Variants in PCDHGB6 observed in about 807,000 individuals in gnomAD.
PCDHGB6 encodes the protein protocadherin gamma-B6.
PCDHGB6 carries 51 observed loss-of-function variants against 59.1 expected under a neutral mutation model. That is an observed-to-expected ratio of 0.86 (90% confidence interval 0.69 to 1.09). The LOEUF (loss-of-function observed/expected upper bound fraction) is 1.09, where lower values mean the gene tolerates loss of function less well. Among genes scored for constraint, PCDHGB6 ranks in the 50% least tolerant of loss-of-function variants. The pLI is 0.00. For synonymous variants in PCDHGB6, 466 were observed against 495.1 expected (o/e 0.94, Z 0.78); for missense variants, 1,148 against 1,205.1 (o/e 0.95, Z 0.70).
intron 1 of PCDHGB6, chr5:141,430,838 G>A (rs866767896): frequency 2.6e-6 from 4 of 1,562,908 alleles, no homozygotes; most frequent in Non-Finnish European, 3.5e-6. Context: ...GTGGGAGACC[G>A]GATGCACCCA....
intron 1 of PCDHGB6, chr5:141,413,293 C>G: frequency 6.2e-7 from 1 of 1,613,946 alleles, no homozygotes; most frequent in South Asian, 1.1e-5. Context: ...CTACTCAATT[C>G]CTGAGGAATT....
At chr5:141,463,168 T>C (rs74924211) in intron 1 of PCDHGB6, among the ~76,000 whole-genome samples, 6,974 of 152,254 alleles carry the variant, frequency 0.046, 178 homozygotes, top group Middle Eastern at 0.082. Context: ...GTGCACTCTA[T>C]GTATGCTCAG....
In PCDHGB6 at chr5:141,476,299, C is replaced by G; in HGVS notation, c.2419-18508C>G. On this transcript the variant is annotated intron_variant, in intron 1 of 3. Transcript: ENST00000520790. This position sits in a 1 kb window ranked among gnomAD's most constrained non-coding sequence, Gnocchi z 7.6. The stretch of plus-strand genomic sequence containing the variant: ...ACCTTGGTTTGGATCTCGGTAGCCT[C>G]TCAGCCCGCAGGTTCCGGGTGGTGT... The G allele has an allele frequency of 6.2e-7, 1 of 1,614,100 alleles. No individual in the cohort carries two copies. The highest frequency in any genetic ancestry group is 8.5e-7 in the Non-Finnish European group (1 of 1,180,014).
chr5:141,481,868 C>A (rs983373194), intron 1 of PCDHGB6, among the ~76,000 whole-genome samples: 4 of 147,412 alleles, frequency 2.7e-5, no homozygotes, highest in African/African-American at 1.0e-4. Flanking sequence ...GAGCCGAGAT[C>A]GCGCCACTGC....
intron 1 of PCDHGB6, among the ~76,000 whole-genome samples, chr5:141,433,837 C>CAAAAAAAA (rs56191208): frequency 1.9e-4 from 21 of 111,692 alleles, no homozygotes; most frequent in Admixed American, 5.9e-4. Context: ...AACTCTATCT[C>CAAAAAAAA]AAAAAAAAAA....
chr5:141,507,632 G>A (rs551849213), intron 3 of PCDHGB6, among the ~76,000 whole-genome samples: 6 of 152,360 alleles, frequency 3.9e-5, no homozygotes, highest in Non-Finnish European at 7.3e-5. Flanking sequence ...GTGGCCTTGC[G>A]CCCTGAGGCC....
chr5:141,415,766 TTTTTTTACTTTC>T, intron 1 of PCDHGB6: 1 of 1,295,032 alleles, frequency 7.7e-7, no homozygotes, highest in Admixed American at 3.5e-5. Flanking sequence ...TTTTTTTTTT[TTTTTTTACTTTC>T]TGGTAAAATT....
intron 1 of PCDHGB6, chr5:141,419,828 AC>A (rs1189387492): frequency 6.2e-7 from 1 of 1,614,022 alleles, no homozygotes; most frequent in Non-Finnish European, 8.5e-7. Flanking sequence ...CCTTTCAGCC[AC>A]TGCCACGCTG....
Position 141,408,279 on chromosome 5 carries a change from A to G in PCDHGB6, c.77A>G (p.Tyr26Cys), listed in dbSNP as rs1313502495. The change falls in exon 1 of 4, where the codon TAC becomes TGC. Residue 26 changes from tyrosine (Y) to cysteine (C), a missense_variant. Tyr to Cys is a radical substitution (Grantham distance 194, BLOSUM62 -2). Around this residue, in one of 5 missense-constraint regions of PCDHGB6, gnomAD observed 307 missense variants for 323.8 expected, o/e 0.95. Coordinates refer to ENST00000520790, the MANE Select transcript of PCDHGB6 (RefSeq NM_018926.3). ...TTTCCTTTGCTGCTGCCTTTGTTCT[A>G]CCCCACCCTGAGTGAGCCGATCCGC... ...VLFPLLLPLF[Y>C]PTLSEPIRYS... 6.2e-7 allele frequency: 1 copy of G among 1,612,184 alleles called. No individual in the cohort carries two copies. The highest frequency in any genetic ancestry group is 1.7e-5 in the Admixed American group (1 of 59,622).
chr5:141,491,802 G>C lies in PCDHGB6; in HGVS notation c.2419-3005G>C, dbSNP rs759587995. 1 of 1,497,480 alleles carries C rather than the reference G, an allele frequency of 6.7e-7. No homozygotes were observed. The highest frequency in any genetic ancestry group is 1.3e-5 in the South Asian group (1 of 74,938). The allele number at this position is 1,497,480 out of a possible 1,614,324, so 92.8% of individuals were successfully genotyped here. A position where few individuals can be genotyped will look rare whatever the true frequency, so the allele number is the denominator to read the frequency against. On this transcript the variant is annotated intron_variant, in intron 1 of 3. Coordinates refer to ENST00000520790, the MANE Select transcript of PCDHGB6 (RefSeq NM_018926.3). The surrounding 1 kb of genome is among the most constrained non-coding windows in gnomAD (Gnocchi z 6.9). ...ACTTGCATCCACTCCTCTCCGGCCG[G>C]CTTGGTCGCTGGCTGCGCTCCACCC...
At chr5:141,441,537 C>A in intron 1 of PCDHGB6, 1 of 173,250 alleles carries the variant, frequency 5.8e-6, no homozygotes, top group Non-Finnish European at 1.2e-5. Context: ...ACAATCTTCC[C>A]AAAGCCTCCA....
In PCDHGB6 at chr5:141,486,184, A is replaced by G. The variant is rs2099625756; in HGVS notation, c.2419-8623A>G. 8 of 1,614,014 alleles carry G rather than the reference A, an allele frequency of 5.0e-6. No homozygotes were observed. Among genetic ancestry groups the G allele is most frequent in the Non-Finnish European group, 6.8e-6 (8 of 1,180,026 alleles). On this transcript the variant is annotated intron_variant, in intron 1 of 3. Transcript: ENST00000520790. This position sits in a 1 kb window ranked among gnomAD's most constrained non-coding sequence, Gnocchi z 5.0. ...CCATGGAGCAACATTGCAGCCTTCG[A>G]GTGGATCTGCTGGACGTAAATGACA...
chr5:141,430,952 C>G, intron 1 of PCDHGB6: 2 of 1,610,382 alleles, frequency 1.2e-6, no homozygotes, highest in African/African-American at 2.7e-5. Flanking sequence ...GCGCGGAGTC[C>G]GCATCATCCC....
intron 2 of PCDHGB6, among the ~76,000 whole-genome samples, chr5:141,498,114 G>C (rs1336064850): frequency 6.6e-6 from 1 of 152,196 alleles, no homozygotes; most frequent in East Asian, 1.9e-4. Flanking sequence ...CGTATAATAG[G>C]GATTTGATTT....
At chr5:141,433,352 T>G (rs976015031) in intron 1 of PCDHGB6, 1 of 614,162 alleles carries the variant, frequency 1.6e-6, no homozygotes, top group Admixed American at 3.0e-5. Flanking sequence ...AGCCACCTAC[T>G]GTCTGCCTAT....
Position 141,421,812 on chromosome 5 carries a change from A to G in PCDHGB6, c.2418+11192A>G, listed in dbSNP as rs779804436. On this transcript the variant is annotated intron_variant, in intron 1 of 3. Transcript: ENST00000520790. ...CGGATGGGGCCAAGAATCCAGAGCTAGTACTGGAGGGAAGCCTGGACCGAG... is the reference window on the plus strand; with the variant it reads ...CGGATGGGGCCAAGAATCCAGAGCTGGTACTGGAGGGAAGCCTGGACCGAG... 9.9e-6 allele frequency: 16 copies of G among 1,613,704 alleles called. 1 individual carries two copies. In the South Asian group the frequency reaches 1.5e-4, roughly 16 times the overall value.
At chr5:141,499,698 T>C (rs1312388510) in intron 2 of PCDHGB6, among the ~76,000 whole-genome samples, 2 of 149,810 alleles carry the variant, frequency 1.3e-5, no homozygotes, top group African/African-American at 2.5e-5. Context: ...ACTTTTTTTT[T>C]TTTTTTTTTT....
intron 1 of PCDHGB6, chr5:141,416,047 A>T (rs2095986655): frequency 1.6e-5 from 3 of 187,858 alleles, no homozygotes; most frequent in Non-Finnish European, 3.2e-5. Context: ...TGGAAACACA[A>T]CCCAAATCCA....
At chr5:141,501,333 A>C (rs200092587) in intron 2 of PCDHGB6, among the ~76,000 whole-genome samples, 397 of 140,104 alleles carry the variant, frequency 2.8e-3, no homozygotes, top group Non-Finnish European at 2.6e-3. Flanking sequence ...ACACACACAC[A>C]CCCCAAACTC....
Sources: allele counts gnomAD v4.1 joint callset (sites outside exome capture counted in the v4.1 genomes callset), GRCh38; gene constraint gnomAD v4.1.1; regional missense constraint gnomAD v4.1.1; non-coding constraint Gnocchi (gnomAD v3.1); transcripts MANE v1.5; gene names NCBI Gene and HGNC (gene_info 2026-07-23, HGNC 2026-07-21).